Variants in MYCBPAP observed in about 807,000 individuals in gnomAD.
MYCBPAP encodes MYCBP associated protein.
MYCBPAP carries 60 observed loss-of-function variants against 106.1 expected under a neutral mutation model. The ratio of observed to expected loss-of-function variants is 0.57; its 90% CI spans 0.46 to 0.70. MYCBPAP has a LOEUF of 0.70. Among genes scored for constraint, MYCBPAP ranks in the 30% least tolerant of loss-of-function variants. The pLI is 0.00. For synonymous variants in MYCBPAP, 407 were observed against 440.6 expected (o/e 0.92, Z 0.95); for missense variants, 1,064 against 1,169.3 (o/e 0.91, Z 1.31).
intron 11 of MYCBPAP, 134 bp downstream of exon 11, chr17:50,523,262 C>T (rs2034343583): frequency 1.1e-6 from 1 of 912,812 alleles, no homozygotes; most frequent in Non-Finnish European, 1.7e-6. Flanking sequence ...CCCTCTCATT[C>T]CTTCTGTGAA....
At position 50,517,620 on chromosome 17, in the gene MYCBPAP, T is replaced by G; in HGVS notation, c.390T>G (p.Ser130Arg). ...GTCCCGGTGACAGCTTCGATGGCAG[T>G]GACCAGATCCTGCCCCACCACATCT... ...YSGPGDSFDG[S>R]DQILPHHILG... The change falls in exon 4 of 19, where the codon AGT becomes AGG. Residue 130 changes from serine (S) to arginine (R), a missense_variant. By Grantham distance (110) the Ser-to-Arg change is moderately radical. Coordinates refer to ENST00000323776, the MANE Select transcript of MYCBPAP (RefSeq NM_032133.6). 6.2e-7 allele frequency: 1 copy of G among 1,614,194 alleles called. No individual in the cohort carries two copies. Among genetic ancestry groups the G allele is most frequent in the Non-Finnish European group, 8.5e-7 (1 of 1,180,052 alleles).
At chr17:50,516,276 C>CTGTAACGAA (rs2034047252) in intron 1 of MYCBPAP, among the ~76,000 whole-genome samples, 2 of 152,214 alleles carry the variant, frequency 1.3e-5, no homozygotes, top group South Asian at 4.1e-4. Flanking sequence ...AGGCATGAGC[C>CTGTAACGAA]ACCACACCTG....
Position 50,526,100 on chromosome 17 carries a change from TCCGGGTCCCAGAAGG to T in MYCBPAP, c.2005_2019del (p.Gly669_Ala673del), listed in dbSNP as rs746408752. On this transcript the variant is annotated inframe_deletion, in exon 14 of 19. Coordinates refer to ENST00000323776, the MANE Select transcript of MYCBPAP (RefSeq NM_032133.6). Reference sequence around the variant, plus strand: ...GCCTGAGAACGAGGCCCTCAGGGAATCCGGGTCCCAGAAGGCCAGAGTGGGGACCAAGAGTCCTCA... The same window carrying T: ...GCCTGAGAACGAGGCCCTCAGGGAATCCAGAGTGGGGACCAAGAGTCCTCA... The T allele has an allele frequency of 5.6e-6, 9 of 1,613,830 alleles. No homozygotes were observed. In the East Asian group the frequency reaches 1.8e-4, roughly 32 times the overall value.
chr17:50,508,666 G>C lies in MYCBPAP; in HGVS notation c.-9G>C, dbSNP rs747485826. On this transcript the variant is annotated 5_prime_UTR_variant, in exon 1 of 19. Coordinates refer to ENST00000323776, the MANE Select transcript of MYCBPAP (RefSeq NM_032133.6). ...TGCAGGGCAACGTTTCATGGTGCCG[G>C]GCGGCACCATGAAGTCTCTAAAGAA... The C allele has an allele frequency of 3.1e-6, 5 of 1,601,256 alleles. No homozygotes were observed. The highest frequency in any genetic ancestry group is 3.4e-5 in the Admixed American group (2 of 59,114).
intron 10 of MYCBPAP, 113 bp from the exon 11 acceptor site, chr17:50,522,826 G>A: frequency 3.9e-6 from 4 of 1,038,712 alleles, no homozygotes; most frequent in Non-Finnish European, 4.2e-6. Flanking sequence ...CTGGAGGCCT[G>A]GGACACGAGA....
rs777308130 is a variant in MYCBPAP at position 50,517,281 on chromosome 17, A to C, written c.205-12A>C. ...CACAGGTGGAATTCTCCTTTGTTTT[A>C]TTTCTTTTTAGCAACACATTCCTCG... is the stretch of plus-strand genomic sequence containing the variant. On this transcript the variant is annotated splice_polypyrimidine_tract_variant and intron_variant, in intron 2 of 18. Transcript: ENST00000323776. The C allele has an allele frequency of 4.3e-6, 7 of 1,613,590 alleles. No individual in the cohort carries two copies. Among genetic ancestry groups the C allele is most frequent in the Non-Finnish European group, 5.9e-6 (7 of 1,179,618 alleles).
rs770876122 is a variant in MYCBPAP, at chr17:50,518,566, C to T, written c.494C>T (p.Pro165Leu). 3 of 1,591,916 alleles carry T rather than the reference C, an allele frequency of 1.9e-6. No individual in the cohort carries two copies. Among genetic ancestry groups the T allele is most frequent in the Non-Finnish European group, 2.6e-6 (3 of 1,172,078 alleles). ...TQLAERIPTSPCLMTLISAEG... is the reference protein window; with the variant it reads ...TQLAERIPTSLCLMTLISAEG... ...CTGGCTGAGCGGATACCTACCTCAC[C>T]CTGTCTGATGACCCTCATCTCTGCT... Residue 165 changes from proline to leucine, a missense_variant, in exon 5 of 19, where the codon CCC becomes CTC. By Grantham distance (98) the Pro-to-Leu change is moderately conservative (BLOSUM62 -3). Transcript: ENST00000323776.
At chr17:50,508,775 T>C (rs2033712845) in intron 1 of MYCBPAP, 25 bp downstream of exon 1, 2 of 1,593,956 alleles carry the variant, frequency 1.3e-6, no homozygotes, top group Admixed American at 1.7e-5. Flanking sequence ...CCTTGGGCGC[T>C]CGGGAGAACC....
chr17:50,516,609 C>A lies in MYCBPAP; in HGVS notation c.116C>A (p.Thr39Lys), dbSNP rs1446569458. 6.2e-7 allele frequency: 1 copy of A among 1,614,208 alleles called. No homozygotes were observed. Among genetic ancestry groups the A allele is most frequent in the African/African-American group, 1.3e-5 (1 of 75,048 alleles). ...RAKGPEQPTP[T>K]IQEEPEPVSN... ...AAGGGACCTGAACAACCCACACCCA[C>A]AATTCAGGAAGAGCCTGAACCTGTT... is the stretch of plus-strand genomic sequence containing the variant. Residue 39 changes from threonine (T) to lysine (K), a missense_variant, in exon 2 of 19, where the codon ACA becomes AAA. Thr to Lys is a moderately conservative substitution (Grantham distance 78). Coordinates refer to ENST00000323776, the MANE Select transcript of MYCBPAP (RefSeq NM_032133.6).
intron 18 of MYCBPAP, among the ~76,000 whole-genome samples, chr17:50,530,997 A>G (rs771634552): frequency 3.3e-5 from 5 of 152,054 alleles, no homozygotes; most frequent in Non-Finnish European, 7.4e-5. Context: ...CAAAAAATAG[A>G]AAAAAGTAGC....
In MYCBPAP at chr17:50,528,996, G is replaced by A. The variant is rs377670397; in HGVS notation, c.2554-22G>A. The A allele has an allele frequency of 4.3e-6, 7 of 1,610,464 alleles. No individual in the cohort carries two copies. The African/African-American group carries it at 9.4e-5, about 22-fold the overall frequency. On this transcript the variant is annotated intron_variant, in intron 17 of 18. Transcript: ENST00000323776. ...TACCTCTGGAGCTCCTGAAGGCTAT[G>A]TGTGTCTCCCTCCCCCAGCAGGACC...
intron 1 of MYCBPAP, 156 bp downstream of exon 1, chr17:50,508,906 TG>T (rs1259231717): frequency 1.3e-6 from 1 of 767,084 alleles, no homozygotes; most frequent in South Asian, 1.5e-5. Context: ...CCCTTAGGGA[TG>T]GGGGGCAAGG....
At chr17:50,528,669 T>C (rs1277952393) in intron 16 of MYCBPAP, 26 bp from the exon 17 acceptor site, 1 of 1,610,932 alleles carries the variant, frequency 6.2e-7, no homozygotes, top group Non-Finnish European at 8.5e-7. Flanking sequence ...GGGCCTGCCA[T>C]ATTTTCTTCC....
At chr17:50,520,506 AAAAT>A (rs71146993) in intron 7 of MYCBPAP, among the ~76,000 whole-genome samples, 120,385 of 151,092 alleles carry the variant, frequency 0.8, 48,303 homozygotes, top group African/African-American at 0.88. Flanking sequence ...ACTCTGTCTT[AAAAT>A]AAATAAATAA....
rs892122545 is a variant in MYCBPAP, at chr17:50,508,452, G to A, written c.-223G>A. ...GGCCGGGCCCGCAGGGCTTTCTAGGGGTCCGTCGCTCTTGAAGCCGCCGGC... is the reference window on the plus strand; with the variant it reads ...GGCCGGGCCCGCAGGGCTTTCTAGGAGTCCGTCGCTCTTGAAGCCGCCGGC... On this transcript the variant is annotated 5_prime_UTR_variant, in exon 1 of 19. Transcript: ENST00000323776. 8.8e-6 allele frequency: 11 copies of A among 1,245,100 alleles called. No homozygotes were observed. The African/African-American group carries it at 1.1e-4, about 12-fold the overall frequency. The allele number at this position is 1,245,100 out of a possible 1,614,324, so 77.1% of individuals were successfully genotyped here. A position where few individuals can be genotyped will look rare whatever the true frequency, so the allele number is the denominator to read the frequency against.
chr17:50,523,427 A>G (rs560687631), intron 11 of MYCBPAP, among the ~76,000 whole-genome samples, 170 bp from the exon 12 acceptor site: 18 of 151,984 alleles, frequency 1.2e-4, no homozygotes, highest in African/African-American at 4.3e-4. Context: ...TTTGCCTGGG[A>G]CTTTAGCACT....
At chr17:50,519,305 G>A in intron 6 of MYCBPAP, 1 of 589,648 alleles carries the variant, frequency 1.7e-6, no homozygotes, top group Non-Finnish European at 3.0e-6. Flanking sequence ...CAGGTAGCAA[G>A]TTATTAGAGT....
rs1456095804 is a variant in MYCBPAP, at chr17:50,519,685, G to A, written c.814G>A (p.Asp272Asn). ...GFWSRLEYLG[D>N]EMTGLVMTKT... ...CTGGAGTCGACTGGAATACTTGGGA[G>A]ATGAGATGACAGGTCTGGTCATGAC... Residue 272 changes from aspartate to asparagine, a missense_variant, in exon 7 of 19, where the codon GAT (aspartate) becomes AAT (asparagine). By Grantham distance (23) the Asp-to-Asn change is conservative. Coordinates refer to ENST00000323776, the MANE Select transcript of MYCBPAP (RefSeq NM_032133.6). The A allele has an allele frequency of 1.9e-6, 3 of 1,614,150 alleles. No homozygotes were observed. The South Asian group carries it at 3.3e-5, about 18-fold the overall frequency.
intron 1 of MYCBPAP, among the ~76,000 whole-genome samples, chr17:50,512,497 C>T (rs751389475): frequency 9.2e-5 from 14 of 152,212 alleles, no homozygotes; most frequent in Non-Finnish European, 1.8e-4. Context: ...TGCAGCCTGC[C>T]TCAGCCTGTG....
Sources: allele counts gnomAD v4.1 joint callset (sites outside exome capture counted in the v4.1 genomes callset), GRCh38; gene constraint gnomAD v4.1.1; transcripts MANE v1.5; gene names NCBI Gene and HGNC (gene_info 2026-07-23, HGNC 2026-07-21).